Variants in TUSC3 observed in about 807,000 individuals in gnomAD.
TUSC3 encodes the protein dolichyl-diphosphooligosaccharide--protein glycosyltransferase subunit TUSC3.
A neutral mutation model predicts 44.8 loss-of-function variants in TUSC3; 45 were observed. The observed-to-expected ratio is 1.00, with a 90% CI of 0.79 to 1.29. TUSC3 has a LOEUF of 1.29. TUSC3 is among the 50% of genes most tolerant of loss of function. The pLI is 0.00. For missense variants in TUSC3, 519 were observed against 437.9 expected (o/e 1.19, Z -1.65); for synonymous variants, 212 against 152.9 (o/e 1.39, Z -2.85).
At chr8:15,703,436 T>G (rs761524728) in intron 6 of TUSC3, among the ~76,000 whole-genome samples, 25 of 152,150 alleles carry the variant, frequency 1.6e-4, no homozygotes, top group Non-Finnish European at 2.8e-4. Context: ...GTTTTTAACA[T>G]TTTTTAAACA....
At chr8:15,582,718 G>C (rs28675816) in intron 1 of TUSC3, among the ~76,000 whole-genome samples, 16,256 of 152,142 alleles carry the variant, frequency 0.11, 964 homozygotes, top group African/African-American at 0.15. Flanking sequence ...AAACTGCCTG[G>C]TGTAACCTGA....
At chr8:15,822,771 C>G in the TUSC3 span, among the ~76,000 whole-genome samples, 7 of 152,120 alleles carry the variant, frequency 4.6e-5, no homozygotes, top group Admixed American at 1.3e-4. Flanking sequence ...TATCAGCTCT[C>G]ATCTGCTGCT....
chr8:15,454,993 G>C (rs943708824), intron 1 of TUSC3, among the ~76,000 whole-genome samples: 1 of 152,138 alleles, frequency 6.6e-6, no homozygotes, highest in African/African-American at 2.4e-5. Flanking sequence ...AAAAGACCAA[G>C]AAAACCATGG....
intron 1 of TUSC3, among the ~76,000 whole-genome samples, chr8:15,441,073 A>G (rs74831500): frequency 1.4e-3 from 218 of 152,328 alleles, no homozygotes; most frequent in African/African-American, 5.1e-3. Flanking sequence ...ATTTGCAACT[A>G]AAACTGCCCT....
chr8:15,481,788 T>C (rs554593361), intron 1 of TUSC3, among the ~76,000 whole-genome samples: 1 of 152,350 alleles, frequency 6.6e-6, no homozygotes, highest in South Asian at 2.1e-4. Context: ...CATAATCTTT[T>C]TGCCGGCGGA....
At chr8:15,502,712 T>C (rs1365063762) in intron 2 of TUSC3, among the ~76,000 whole-genome samples, 3 of 152,164 alleles carry the variant, frequency 2.0e-5, no homozygotes, top group Non-Finnish European at 4.4e-5. Context: ...AGGATGGTCT[T>C]GATCTCCTGA....
chr8:15,598,922 T>A (rs865944069), intron 1 of TUSC3, among the ~76,000 whole-genome samples: 1 of 151,864 alleles, frequency 6.6e-6, no homozygotes, highest in African/African-American at 2.4e-5. Context: ...GGTTTTTGTG[T>A]GGACCTAAGT....
At chr8:15,740,695 C>T (rs1466291939) in intron 7 of TUSC3, among the ~76,000 whole-genome samples, 1 of 152,152 alleles carries the variant, frequency 6.6e-6, no homozygotes, top group Non-Finnish European at 1.5e-5. Context: ...CTTGAACTAA[C>T]ATTGCTCATT....
intron 2 of TUSC3, among the ~76,000 whole-genome samples, chr8:15,645,698 A>G (rs1334039045): frequency 1.3e-5 from 2 of 152,120 alleles, no homozygotes; most frequent in Non-Finnish European, 2.9e-5. Context: ...GTCATTACTA[A>G]TAGGATATCA....
intron 1 of TUSC3, among the ~76,000 whole-genome samples, chr8:15,592,883 T>A (rs1803909783): frequency 6.6e-6 from 1 of 152,114 alleles, no homozygotes; most frequent in Admixed American, 6.6e-5. Context: ...TTACTTAAGC[T>A]AGCCAGCCAG....
chr8:15,695,066 G>C (rs1809101650), intron 6 of TUSC3, among the ~76,000 whole-genome samples: 1 of 152,180 alleles, frequency 6.6e-6, no homozygotes, highest in African/African-American at 2.4e-5. Flanking sequence ...TGACAGCAGT[G>C]GCAGCGCAGC....
chr8:15,691,473 C>T (rs929133300), intron 6 of TUSC3, among the ~76,000 whole-genome samples: 1 of 152,100 alleles, frequency 6.6e-6, no homozygotes, highest in African/African-American at 2.4e-5. Flanking sequence ...GTTTGACTTC[C>T]TCTCTTTTTA....
intron 1 of TUSC3, among the ~76,000 whole-genome samples, chr8:15,554,933 C>T (rs992403416): frequency 6.6e-6 from 1 of 151,210 alleles, no homozygotes; most frequent in African/African-American, 2.4e-5. Context: ...TAAATAGCTA[C>T]TGTGGAAATA....
intron 1 of TUSC3, among the ~76,000 whole-genome samples, chr8:15,549,187 T>G (rs1801969727): frequency 6.6e-6 from 1 of 151,824 alleles, no homozygotes; most frequent in Non-Finnish European, 1.5e-5. Flanking sequence ...TTTTATTTTA[T>G]TTTTTGAGAC....
chr8:15,543,881 CAT>C (rs1801774324), intron 1 of TUSC3, among the ~76,000 whole-genome samples: 1 of 150,112 alleles, frequency 6.7e-6, no homozygotes, highest in Non-Finnish European at 1.5e-5. Flanking sequence ...GATTTGGTAT[CAT>C]AGAAGACTTG....
At chr8:15,840,385 AT>A in the TUSC3 span, among the ~76,000 whole-genome samples, 2 of 151,972 alleles carry the variant, frequency 1.3e-5, no homozygotes, top group Non-Finnish European at 2.9e-5. Flanking sequence ...ATTTAAAAAA[AT>A]AAATCAATAA....
At chr8:15,598,676 A>G (rs1477488961) in intron 1 of TUSC3, among the ~76,000 whole-genome samples, 1 of 151,800 alleles carries the variant, frequency 6.6e-6, no homozygotes, top group Non-Finnish European at 1.5e-5. Context: ...AGAATGTCAT[A>G]AAGTTGGAAT....
the TUSC3 span, among the ~76,000 whole-genome samples, chr8:15,833,694 GA>G: frequency 3.6e-3 from 126 of 34,700 alleles, no homozygotes; most frequent in Middle Eastern, 0.016. Context: ...ACAAAAGGTA[GA>G]GGGTGGGAGG....
chr8:15,530,401 G>A (rs1801434421), intron 2 of TUSC3, among the ~76,000 whole-genome samples: 1 of 152,152 alleles, frequency 6.6e-6, no homozygotes, highest in Non-Finnish European at 1.5e-5. Flanking sequence ...CATAATGGGA[G>A]TTAATATGTA....
Sources: allele counts gnomAD v4.1 joint callset (sites outside exome capture counted in the v4.1 genomes callset), GRCh38; gene constraint gnomAD v4.1.1; transcripts MANE v1.5; gene names NCBI Gene and HGNC (gene_info 2026-07-23, HGNC 2026-07-21).